Variants in GALNT14 observed in about 807,000 individuals in gnomAD.
GALNT14 encodes UDP-GalNAc:polypeptide N-acetylgalactosaminyltransferase 14.
Under a neutral mutation model 77.5 loss-of-function variants are expected in GALNT14, and 60 were observed. The ratio of observed to expected loss-of-function variants is 0.77; its 90% CI spans 0.63 to 0.96. GALNT14 has a LOEUF of 0.96. GALNT14 is among the 40% of genes least tolerant of loss of function. The pLI, the probability that GALNT14 is intolerant of heterozygous loss-of-function variation, is 0.00. For synonymous variants in GALNT14, 280 were observed against 281.7 expected (o/e 0.99, Z 0.06); for missense variants, 710 against 731.0 (o/e 0.97, Z 0.33).
chr2:31,051,699 G>T (rs1005362008), intron 1 of GALNT14, among the ~76,000 whole-genome samples: 1 of 152,128 alleles, frequency 6.6e-6, no homozygotes, highest in South Asian at 2.1e-4. Context: ...GGAGATCATG[G>T]GCAGGGATCA....
intron 1 of GALNT14, among the ~76,000 whole-genome samples, chr2:31,127,224 C>G (rs1352886195): frequency 6.6e-6 from 1 of 152,180 alleles, no homozygotes; most frequent in Non-Finnish European, 1.5e-5. Flanking sequence ...CATGAACTGA[C>G]TTACAATGCC....
intron 13 of GALNT14, among the ~76,000 whole-genome samples, chr2:30,917,414 C>T (rs1027532544): frequency 2.0e-5 from 3 of 152,208 alleles, no homozygotes; most frequent in African/African-American, 7.2e-5. Context: ...GCCCTAGTCT[C>T]ACCTGAAGGG....
intron 7 of GALNT14, among the ~76,000 whole-genome samples, 179 bp from the exon 8 acceptor site, chr2:30,945,121 C>T (rs1666610369): frequency 6.6e-6 from 1 of 152,252 alleles, no homozygotes; most frequent in Non-Finnish European, 1.5e-5. Flanking sequence ...AAGCGCCGTT[C>T]ACAGCTTCCT....
At chr2:30,904,753 G>C in the GALNT14 span, among the ~76,000 whole-genome samples, 4 of 152,248 alleles carry the variant, frequency 2.6e-5, no homozygotes, top group African/African-American at 7.2e-5. Context: ...CCACCTCTGG[G>C]AGCAGGGCAC....
intron 2 of GALNT14, among the ~76,000 whole-genome samples, chr2:30,976,255 C>G (rs1485416540): frequency 1.3e-5 from 2 of 152,192 alleles, no homozygotes; most frequent in Non-Finnish European, 2.9e-5. Context: ...TCAGGCAGTT[C>G]TGCTGCCTGT....
intron 6 of GALNT14, among the ~76,000 whole-genome samples, chr2:30,949,567 T>C (rs1666905256): frequency 1.3e-5 from 2 of 152,148 alleles, no homozygotes; most frequent in African/African-American, 4.8e-5. Context: ...ACCCAACTCC[T>C]ACCCAACCCT....
chr2:31,003,481 C>T (rs1421753545), intron 1 of GALNT14, among the ~76,000 whole-genome samples: 2 of 152,172 alleles, frequency 1.3e-5, no homozygotes, highest in Non-Finnish European at 2.9e-5. Flanking sequence ...TCTCTGAGCC[C>T]CCGGAGGGTC....
At chr2:30,976,935 A>C (rs12621132) in intron 2 of GALNT14, among the ~76,000 whole-genome samples, 46,739 of 151,788 alleles carry the variant, frequency 0.31, 9,421 homozygotes, top group African/African-American at 0.56. Flanking sequence ...GTGGAGAGGG[A>C]AAGTCACAAT....
chr2:30,947,174 T>A (rs1446578069), intron 6 of GALNT14, among the ~76,000 whole-genome samples: 2 of 152,112 alleles, frequency 1.3e-5, no homozygotes, highest in Admixed American at 1.3e-4. Flanking sequence ...CCCCACTCTA[T>A]CTCCTGCTCT....
At chr2:31,098,756 C>T (rs1482147728) in intron 1 of GALNT14, among the ~76,000 whole-genome samples, 1 of 151,978 alleles carries the variant, frequency 6.6e-6, no homozygotes, top group Non-Finnish European at 1.5e-5. Context: ...CATAAACAGC[C>T]CATTAGCACA....
intron 1 of GALNT14, among the ~76,000 whole-genome samples, chr2:31,021,804 G>C (rs991610332): frequency 5.9e-5 from 9 of 152,240 alleles, no homozygotes; most frequent in Admixed American, 4.6e-4. Context: ...GCAGCAGAAA[G>C]AGCACTGGCA....
At chr2:30,957,646 AGCAGACC>A (rs2148323211) in intron 4 of GALNT14, among the ~76,000 whole-genome samples, 1 of 152,300 alleles carries the variant, frequency 6.6e-6, no homozygotes, top group South Asian at 2.1e-4. Context: ...GCCTTCGTAC[AGCAGACC>A]GCAGTGTGGG....
At chr2:31,036,826 T>C (rs1374506042) in intron 1 of GALNT14, among the ~76,000 whole-genome samples, 1 of 152,230 alleles carries the variant, frequency 6.6e-6, no homozygotes, top group Non-Finnish European at 1.5e-5. Context: ...TAAATAACAC[T>C]GCTTTCTGGC....
At chr2:31,021,836 A>T (rs1238621937) in intron 1 of GALNT14, among the ~76,000 whole-genome samples, 1 of 152,214 alleles carries the variant, frequency 6.6e-6, no homozygotes, top group Non-Finnish European at 1.5e-5. Flanking sequence ...AAGTCAGAGG[A>T]CTTGAAGTTA....
At position 31,061,877 on chromosome 2, in the gene GALNT14, A is replaced by C. The variant is rs765918332; in HGVS notation, c.130-68870T>G. ...TGCTGAGAACTCATTACCACATCTT[A>C]TAACCCTCCCATCCTCCCCCAGGTG... On this transcript the variant is annotated intron_variant, in intron 1 of 14. Coordinates refer to ENST00000349752, the MANE Select transcript of GALNT14 (RefSeq NM_024572.4). 5.3e-5 allele frequency among the ~76,000 whole-genome samples: 8 copies of C among 152,276 alleles called. No homozygotes were observed. The East Asian group carries it at 5.8e-4, about 11-fold the overall frequency.
At chr2:31,135,346 CTTTGGACATGTCATATAAA>C (rs1202205836) in intron 1 of GALNT14, among the ~76,000 whole-genome samples, 1 of 152,166 alleles carries the variant, frequency 6.6e-6, no homozygotes, top group Non-Finnish European at 1.5e-5. Flanking sequence ...CACTGTGCTC[CTTTGGACATGTCATATAAA>C]TTTGGACTTG....
intron 1 of GALNT14, among the ~76,000 whole-genome samples, chr2:30,994,967 G>C (rs1362030538): frequency 6.6e-6 from 1 of 152,082 alleles, no homozygotes; most frequent in Non-Finnish European, 1.5e-5. Context: ...AGGGGAACTG[G>C]GGACAGCTTC....
intron 13 of GALNT14, among the ~76,000 whole-genome samples, chr2:30,919,868 T>C (rs776539338): frequency 2.6e-5 from 4 of 152,212 alleles, no homozygotes; most frequent in South Asian, 2.1e-4. Flanking sequence ...CCTCCATTCA[T>C]GCTCTTGTCC....
intron 1 of GALNT14, among the ~76,000 whole-genome samples, chr2:31,068,974 T>G (rs1188673969): frequency 6.6e-6 from 1 of 152,178 alleles, no homozygotes; most frequent in Non-Finnish European, 1.5e-5. Flanking sequence ...GAAAGCAGAT[T>G]AGTGGATTAG....
Sources: allele counts gnomAD v4.1 joint callset (sites outside exome capture counted in the v4.1 genomes callset), GRCh38; gene constraint gnomAD v4.1.1; transcripts MANE v1.5; gene names NCBI Gene and HGNC (gene_info 2026-07-23, HGNC 2026-07-21).